PPM1E: variants seen among roughly 807,000 people sequenced by gnomAD.
PPM1E encodes the protein protein phosphatase 1E.
A neutral mutation model predicts 65.9 loss-of-function variants in PPM1E; 20 were observed. The observed-to-expected ratio is 0.30, with a 90% CI of 0.21 to 0.44. The LOEUF is 0.44. Ranked by LOEUF, PPM1E falls within the 20% of genes least tolerant of loss-of-function variation. The pLI, the probability that PPM1E is intolerant of heterozygous loss-of-function variation, is 1.00. For missense variants in PPM1E, 713 were observed against 953.1 expected, an observed-to-expected ratio of 0.75 and a Z score of 3.32; for synonymous variants, 352 against 374.9, an observed-to-expected ratio of 0.94 and a Z score of 0.70.
intron 1 of PPM1E, among the ~76,000 whole-genome samples, chr17:58,943,315 C>A (rs2052100230): frequency 6.6e-6 from 1 of 151,634 alleles, no homozygotes; most frequent in African/African-American, 2.4e-5. Flanking sequence ...AACAAAACAA[C>A]AAAAAAAACA....
intron 1 of PPM1E, among the ~76,000 whole-genome samples, chr17:58,915,623 A>G (rs555253663): frequency 3.9e-5 from 6 of 152,286 alleles, no homozygotes; most frequent in South Asian, 2.1e-4. Flanking sequence ...TGAATCATGT[A>G]TGGTCAGTAG....
intron 1 of PPM1E, among the ~76,000 whole-genome samples, chr17:58,761,065 T>C (rs975147489): frequency 4.6e-5 from 7 of 152,370 alleles, no homozygotes; most frequent in African/African-American, 1.7e-4. Flanking sequence ...TTAGTGTGTC[T>C]GGAGTTTGTG....
rs372824828 is a variant in PPM1E at position 58,982,796 on chromosome 17, A to G, written c.*1765A>G. ...AAGGAGTCAACATGGCCCCAACTAT[A>G]GTGCCGGAACCTTTTCATCATTCTG... On this transcript the variant is annotated 3_prime_UTR_variant, in exon 7 of 7. Coordinates refer to ENST00000308249, the MANE Select transcript of PPM1E (RefSeq NM_014906.5). 124 of 917,646 alleles carry G rather than the reference A, an allele frequency of 1.4e-4. No individual in the cohort carries two copies. The highest frequency in any genetic ancestry group is 1.1e-3 in the Middle Eastern group (5 of 4,604). The allele number at this position is 917,646 out of a possible 1,614,324, so 56.8% of individuals were successfully genotyped here.
At chr17:58,862,649 C>T (rs2143307102) in intron 1 of PPM1E, among the ~76,000 whole-genome samples, 1 of 152,242 alleles carries the variant, frequency 6.6e-6, no homozygotes, top group Non-Finnish European at 1.5e-5. Flanking sequence ...GTAAAGGTTT[C>T]CCTGGATTAT....
At chr17:58,768,739 G>C (rs2049907179) in intron 1 of PPM1E, among the ~76,000 whole-genome samples, 1 of 152,102 alleles carries the variant, frequency 6.6e-6, no homozygotes, top group African/African-American at 2.4e-5. Context: ...GCACGGTGTT[G>C]GCTCACCACA....
chr17:58,944,236 T>G (rs1011932349), intron 1 of PPM1E, among the ~76,000 whole-genome samples: 7 of 152,212 alleles, frequency 4.6e-5, no homozygotes, highest in African/African-American at 1.7e-4. Context: ...AGTTTTTTTA[T>G]TATCTTTATT....
intron 2 of PPM1E, among the ~76,000 whole-genome samples, chr17:58,963,292 T>C (rs1182109): frequency 1.4e-4 from 19 of 137,506 alleles, no homozygotes; most frequent in South Asian, 4.7e-4. Context: ...GAGGCTGAGG[T>C]AGGAGAATCG....
rs115059890 is a variant in PPM1E at position 58,819,240 on chromosome 17, T to C, written c.464+62779T>C. ...GGCTCACTGCAATCTCTGCATCCCATGTTCAAGTGATTCTCCTGCCTAAGC... is the reference window on the plus strand; with the variant it reads ...GGCTCACTGCAATCTCTGCATCCCACGTTCAAGTGATTCTCCTGCCTAAGC... On this transcript the variant is annotated intron_variant, in intron 1 of 6. Coordinates refer to ENST00000308249, the MANE Select transcript of PPM1E (RefSeq NM_014906.5). Among the ~76,000 whole-genome samples, 1,306 of 152,178 alleles carry C rather than the reference T, an allele frequency of 8.6e-3. 19 individuals carry two copies. Among genetic ancestry groups the C allele is most frequent in the African/African-American group, 0.029 (1,217 of 41,520 alleles).
intron 6 of PPM1E, among the ~76,000 whole-genome samples, chr17:58,976,306 G>A: frequency 6.6e-6 from 1 of 152,100 alleles, no homozygotes; most frequent in Non-Finnish European, 1.5e-5. Flanking sequence ...GTGTGGCAAG[G>A]GTGGGAGGGG....
chr17:58,913,676 C>T (rs561331623), intron 1 of PPM1E, among the ~76,000 whole-genome samples: 9 of 152,246 alleles, frequency 5.9e-5, no homozygotes, highest in African/African-American at 2.2e-4. Context: ...TGGGGATGAA[C>T]TCATAGGGAA....
At chr17:58,893,562 A>G (rs2051374781) in intron 1 of PPM1E, among the ~76,000 whole-genome samples, 1 of 152,208 alleles carries the variant, frequency 6.6e-6, no homozygotes, top group Non-Finnish European at 1.5e-5. Flanking sequence ...AACCCACAGA[A>G]CATTCATCAA....
intron 1 of PPM1E, among the ~76,000 whole-genome samples, chr17:58,779,157 TA>T: frequency 6.6e-6 from 1 of 150,930 alleles, no homozygotes. Context: ...AAAACAGTAT[TA>T]AGGGTAATGA....
intron 1 of PPM1E, among the ~76,000 whole-genome samples, chr17:58,828,556 C>T (rs2050565819): frequency 6.6e-6 from 1 of 151,776 alleles, no homozygotes. Context: ...CCTCTGCCTC[C>T]TAGGTTCAAG....
At chr17:58,947,992 G>T (rs1450676536) in intron 1 of PPM1E, among the ~76,000 whole-genome samples, 1 of 152,246 alleles carries the variant, frequency 6.6e-6, no homozygotes, top group Non-Finnish European at 1.5e-5. Context: ...GCTAGTTTGG[G>T]CTTCCTCATG....
At chr17:58,761,133 TG>T (rs1313453967) in intron 1 of PPM1E, among the ~76,000 whole-genome samples, 3 of 152,218 alleles carry the variant, frequency 2.0e-5, no homozygotes, top group Non-Finnish European at 4.4e-5. Context: ...TTCAAACTCC[TG>T]GCTCAAATGA....
intron 1 of PPM1E, among the ~76,000 whole-genome samples, chr17:58,827,698 C>G (rs946145963): frequency 6.6e-6 from 1 of 150,628 alleles, no homozygotes; most frequent in Non-Finnish European, 1.5e-5. Flanking sequence ...GTCAGGAGAT[C>G]GAGACCATCC....
intron 1 of PPM1E, among the ~76,000 whole-genome samples, chr17:58,780,208 A>T (rs866164218): frequency 6.6e-6 from 1 of 152,184 alleles, no homozygotes; most frequent in Non-Finnish European, 1.5e-5. Context: ...TCCAACTCCA[A>T]TAGTATATAT....
chr17:58,809,046 T>A (rs1446189411), intron 1 of PPM1E, among the ~76,000 whole-genome samples: 2 of 152,174 alleles, frequency 1.3e-5, no homozygotes, highest in Non-Finnish European at 2.9e-5. Context: ...TGATTTCTTC[T>A]TAAATTGAAG....
At chr17:58,859,653 T>C (rs2050918375) in intron 1 of PPM1E, among the ~76,000 whole-genome samples, 1 of 152,242 alleles carries the variant, frequency 6.6e-6, no homozygotes, top group Non-Finnish European at 1.5e-5. Flanking sequence ...AAGTATTTCA[T>C]TGAGCAACCA....
Sources: allele counts gnomAD v4.1 joint callset (sites outside exome capture counted in the v4.1 genomes callset), GRCh38; gene constraint gnomAD v4.1.1; transcripts MANE v1.5; gene names NCBI Gene and HGNC (gene_info 2026-07-23, HGNC 2026-07-21).